TBC1D15: variants seen among roughly 807,000 people sequenced by gnomAD.
TBC1D15 encodes the protein GAP for RAB7.
Under a neutral mutation model 95.4 loss-of-function variants are expected in TBC1D15, and 39 were observed. That is an observed-to-expected ratio of 0.41 (90% CI 0.32 to 0.53). TBC1D15 has a LOEUF of 0.53. Ranked by LOEUF, TBC1D15 falls within the 20% of genes least tolerant of loss-of-function variation. The pLI is 0.29. For synonymous variants in TBC1D15, 258 were observed against 261.3 expected (o/e 0.99, Z 0.12); for missense variants, 733 against 794.3 (o/e 0.92, Z 0.93).
chr12:71,851,240 C>T (rs1280812839), intron 1 of TBC1D15, among the ~76,000 whole-genome samples: 2 of 152,044 alleles, frequency 1.3e-5, no homozygotes, highest in African/African-American at 2.4e-5. Flanking sequence ...CATGAGAACT[C>T]ACTATTGTGA....
At chr12:71,858,333 A>G (rs146345409) in intron 1 of TBC1D15, among the ~76,000 whole-genome samples, 68 of 152,132 alleles carry the variant, frequency 4.5e-4, no homozygotes, top group African/African-American at 1.2e-3. Flanking sequence ...CGGCCTCCCA[A>G]AGTGGTGGGA....
At chr12:71,899,763 A>G (rs1898940402) in intron 10 of TBC1D15, among the ~76,000 whole-genome samples, 2 of 152,104 alleles carry the variant, frequency 1.3e-5, no homozygotes, top group East Asian at 1.9e-4. Context: ...AGTGGAAAGC[A>G]TAAGTTCAGG....
Position 71,923,784 on chromosome 12 carries a change from A to G in TBC1D15, c.*580A>G, listed in dbSNP as rs1432319729. 1 of 152,546 alleles carries G rather than the reference A, an allele frequency of 6.6e-6. No individual in the cohort carries two copies. The highest frequency in any genetic ancestry group is 1.9e-4 in the East Asian group (1 of 5,194). The allele number at this position is 152,546 out of a possible 1,614,324, so 9.4% of individuals were successfully genotyped here. A position where few individuals can be genotyped will look rare whatever the true frequency, so the allele number is the denominator to read the frequency against. On this transcript the variant is annotated 3_prime_UTR_variant, in exon 17 of 17. Coordinates refer to ENST00000485960, the MANE Select transcript of TBC1D15 (RefSeq NM_001146213.3). ...ACCATAATAAGTGGATTGGCAGTAT[A>G]TTTTTTACATTGAACTTTTCTTCAC... is the stretch of plus-strand genomic sequence containing the variant.
chr12:71,874,979 C>T (rs998468081), intron 3 of TBC1D15, among the ~76,000 whole-genome samples: 6 of 151,968 alleles, frequency 3.9e-5, no homozygotes, highest in Admixed American at 6.6e-5. Context: ...CTTGCTCTGT[C>T]GCCCAGGCTG....
chr12:71,896,427 A>G, intron 8 of TBC1D15: 1 of 465,806 alleles, frequency 2.1e-6, no homozygotes, highest in East Asian at 3.5e-5. Flanking sequence ...CACCAGTCAC[A>G]CTGTCTGTCT....
At chr12:71,882,874 C>A (rs1895488130) in intron 4 of TBC1D15, among the ~76,000 whole-genome samples, 1 of 152,072 alleles carries the variant, frequency 6.6e-6, no homozygotes, top group African/African-American at 2.4e-5. Flanking sequence ...TTCTTCGTCA[C>A]AGCTTTAAAT....
intron 3 of TBC1D15, among the ~76,000 whole-genome samples, chr12:71,878,160 TG>T (rs1370970516): frequency 1.3e-5 from 2 of 152,244 alleles, no homozygotes; most frequent in South Asian, 2.1e-4. Context: ...GAAAAAGGGC[TG>T]GGAGTCTTGC....
chr12:71,904,928 G>A (rs1298802539), intron 10 of TBC1D15, among the ~76,000 whole-genome samples: 1 of 152,176 alleles, frequency 6.6e-6, no homozygotes, highest in Non-Finnish European at 1.5e-5. Flanking sequence ...TAGTGATGGT[G>A]AATATAAAAT....
At chr12:71,864,785 G>T (rs1163986121) in intron 1 of TBC1D15, among the ~76,000 whole-genome samples, 1 of 152,218 alleles carries the variant, frequency 6.6e-6, no homozygotes, top group Non-Finnish European at 1.5e-5. Flanking sequence ...GATTACAGGC[G>T]TGAGCCACCG....
intron 5 of TBC1D15, among the ~76,000 whole-genome samples, chr12:71,886,249 AC>A (rs1446990317): frequency 6.6e-6 from 1 of 151,892 alleles, no homozygotes; most frequent in Non-Finnish European, 1.5e-5. Flanking sequence ...GCTCACTGCA[AC>A]CTCTGCCTCG....
intron 3 of TBC1D15, among the ~76,000 whole-genome samples, chr12:71,875,490 C>T (rs1893601013): frequency 6.6e-6 from 1 of 151,846 alleles, no homozygotes; most frequent in African/African-American, 2.4e-5. Flanking sequence ...TGCTGTTCTT[C>T]TGAGTTTTAT....
chr12:71,849,954 A>G lies in TBC1D15; in HGVS notation c.30+10143A>G, dbSNP rs75839989. 1,917 of 534,288 alleles carry G rather than the reference A, an allele frequency of 3.6e-3. 44 individuals carry two copies. Among genetic ancestry groups the G allele is most frequent in the African/African-American group, 0.034 (1,737 of 51,468 alleles). The allele number at this position is 534,288 out of a possible 1,614,324, so 33.1% of individuals were successfully genotyped here. A position where few individuals can be genotyped will look rare whatever the true frequency, so the allele number is the denominator to read the frequency against. ...GCTAAGTTTCCCCTGAAGGGTGTTG[A>G]TCCAGTATTGCAGGAGTGCTTCTAT... On this transcript the variant is annotated intron_variant, in intron 1 of 16. Coordinates refer to ENST00000485960, the MANE Select transcript of TBC1D15 (RefSeq NM_001146213.3).
At chr12:71,909,791 T>G (rs1901728918) in intron 11 of TBC1D15, among the ~76,000 whole-genome samples, 2 of 152,086 alleles carry the variant, frequency 1.3e-5, no homozygotes, top group Admixed American at 1.3e-4. Context: ...GGGAAGTACT[T>G]TAGAAATTGT....
intron 1 of TBC1D15, among the ~76,000 whole-genome samples, chr12:71,853,563 T>G (rs1048718820): frequency 6.6e-6 from 1 of 152,236 alleles, no homozygotes; most frequent in African/African-American, 2.4e-5. Context: ...TGTAATTGAT[T>G]ACTTTTTTTG....
intron 10 of TBC1D15, among the ~76,000 whole-genome samples, chr12:71,904,307 G>T (rs1383471823): frequency 6.6e-6 from 1 of 152,212 alleles, no homozygotes; most frequent in Non-Finnish European, 1.5e-5. Flanking sequence ...AATTTTGATG[G>T]ATTGGTGCAT....
At chr12:71,889,327 A>G (rs1896821574) in intron 5 of TBC1D15, among the ~76,000 whole-genome samples, 1 of 152,166 alleles carries the variant, frequency 6.6e-6, no homozygotes, top group African/African-American at 2.4e-5. Context: ...CTCCTGTGAC[A>G]CTGGGAGGGC....
In TBC1D15 at chr12:71,884,853, T is replaced by C. The variant is rs1210788052; in HGVS notation, c.386T>C (p.Leu129Pro). The C allele has an allele frequency of 6.2e-7, 1 of 1,614,018 alleles. No homozygotes were observed. Among genetic ancestry groups the C allele is most frequent in the Non-Finnish European group, 8.5e-7 (1 of 1,179,890 alleles). Residue 129 changes from leucine (L) to proline (P), a missense_variant, in exon 5 of 17, where the codon CTG (leucine) becomes CCG (proline). By Grantham distance (98) the Leu-to-Pro change is moderately conservative (BLOSUM62 -3). Coordinates refer to ENST00000485960, the MANE Select transcript of TBC1D15 (RefSeq NM_001146213.3). ...HRNGKSKWSF[L>P]FSLTDLKSIK... is the part of the protein sequence containing the mutation. ...AATGGGAAAAGCAAATGGTCATTCC[T>C]GTTCAGTTTGACAGACCTGAAATCA...
At chr12:71,901,627 A>C (rs1019732396) in intron 10 of TBC1D15, among the ~76,000 whole-genome samples, 1 of 152,200 alleles carries the variant, frequency 6.6e-6, no homozygotes, top group Admixed American at 6.5e-5. Flanking sequence ...AATAAGAGCC[A>C]TCTATCACAG....
chr12:71,849,290 T>G (rs971667440), intron 1 of TBC1D15: 3 of 899,760 alleles, frequency 3.3e-6, no homozygotes, highest in Admixed American at 2.0e-5. Flanking sequence ...TGTTCCACGC[T>G]TCTATCTGCC....
Sources: allele counts gnomAD v4.1 joint callset (sites outside exome capture counted in the v4.1 genomes callset), GRCh38; gene constraint gnomAD v4.1.1; transcripts MANE v1.5; gene names NCBI Gene and HGNC (gene_info 2026-07-23, HGNC 2026-07-21).